NCK2: variants seen among roughly 807,000 people sequenced by gnomAD.
The protein encoded by NCK2 is NCK adaptor protein 2.
NCK2 carries 16 observed loss-of-function variants against 33.9 expected under a neutral mutation model. The observed-to-expected ratio is 0.47, with a 90% CI of 0.32 to 0.72. The LOEUF (loss-of-function observed/expected upper bound fraction) is 0.72, where lower values mean the gene tolerates loss of function less well. NCK2 is among the 30% of genes least tolerant of loss of function. NCK2 has a pLI of 0.03. For missense variants in NCK2, 418 were observed against 537.3 expected (o/e 0.78, Z 2.19); for synonymous variants, 273 against 239.9 (o/e 1.14, Z -1.27).
chr2:105,816,346 CAAAT>C (rs1558851223), intron 1 of NCK2, 80 bp from the exon 2 acceptor site: 1 of 152,084 alleles, frequency 6.6e-6, no homozygotes, highest in Non-Finnish European at 1.5e-5. Flanking sequence ...TAGTTTTAGG[CAAAT>C]AAATAACCAG....
At chr2:105,841,568 G>T (rs188041214) in intron 2 of NCK2, among the ~76,000 whole-genome samples, 19 of 152,266 alleles carry the variant, frequency 1.2e-4, no homozygotes, top group African/African-American at 3.4e-4. Flanking sequence ...GGCATGACTG[G>T]TTAAACCCTT....
intron 2 of NCK2, among the ~76,000 whole-genome samples, chr2:105,852,091 G>GC (rs1677090431): frequency 6.6e-6 from 1 of 152,048 alleles, no homozygotes; most frequent in Non-Finnish European, 1.5e-5. Flanking sequence ...TGCAGACCAC[G>GC]CATCGGACGG....
At chr2:105,888,339 T>A (rs1678802801) in intron 4 of NCK2, among the ~76,000 whole-genome samples, 2 of 152,126 alleles carry the variant, frequency 1.3e-5, no homozygotes, top group Admixed American at 1.3e-4. Flanking sequence ...TGTTTGAAAA[T>A]TTGAAGAATT....
At chr2:105,803,120 G>T (rs1674903017) in intron 1 of NCK2, among the ~76,000 whole-genome samples, 2 of 151,976 alleles carry the variant, frequency 1.3e-5, no homozygotes, top group Admixed American at 1.3e-4. Flanking sequence ...GGTCAGTCTT[G>T]GGAAAGCAAG....
intron 1 of NCK2, among the ~76,000 whole-genome samples, chr2:105,803,482 A>G (rs73949312): frequency 0.011 from 1,679 of 152,318 alleles, 31 homozygotes; most frequent in African/African-American, 0.038. Context: ...CGTGTGACTG[A>G]TTTCATTCTA....
chr2:105,801,359 C>T (rs921472774), intron 1 of NCK2, among the ~76,000 whole-genome samples: 1 of 152,104 alleles, frequency 6.6e-6, no homozygotes, highest in Non-Finnish European at 1.5e-5. Context: ...CTCGGCTTGC[C>T]TCCCCCCTTC....
intron 1 of NCK2, among the ~76,000 whole-genome samples, chr2:105,769,153 C>T (rs1573570109): frequency 6.6e-6 from 1 of 152,160 alleles, no homozygotes; most frequent in Admixed American, 6.5e-5. Flanking sequence ...TCACTAAGGG[C>T]ACTCTTGTTG....
chr2:105,836,442 G>A (rs886539690), intron 2 of NCK2, among the ~76,000 whole-genome samples: 19 of 152,142 alleles, frequency 1.2e-4, no homozygotes, highest in African/African-American at 3.9e-4. Flanking sequence ...TTTTGGAGGC[G>A]TGGTGTGGCT....
chr2:105,746,811 G>A (rs140242023), intron 1 of NCK2, among the ~76,000 whole-genome samples: 1 of 152,210 alleles, frequency 6.6e-6, no homozygotes, highest in African/African-American at 2.4e-5. Context: ...TTTGATTGGA[G>A]AAGGTGGCGG....
chr2:105,854,265 A>C (rs1286241227), intron 2 of NCK2, among the ~76,000 whole-genome samples: 2 of 152,188 alleles, frequency 1.3e-5, no homozygotes, highest in Non-Finnish European at 2.9e-5. Flanking sequence ...TGTCCTACTA[A>C]AGGACATTTT....
In NCK2 at chr2:105,893,842, CT is replaced by C. The variant is rs1679098845; in HGVS notation, c.*667del. The C allele has an allele frequency of 6.6e-6, 1 of 152,606 alleles. No homozygotes were observed. Among genetic ancestry groups the C allele is most frequent in the Non-Finnish European group, 1.5e-5 (1 of 68,024 alleles). 9.5% of individuals were successfully genotyped at this position (152,606 alleles called of 1,614,324 possible). The stretch of plus-strand genomic sequence containing the variant: ...TGTGCCATCCACATAGTGCTTTTTC[CT>C]CTTGCCCTTCGGCTTGTTTGAATCT... On this transcript the variant is annotated 3_prime_UTR_variant, in exon 5 of 5. Transcript: ENST00000233154.
intron 1 of NCK2, among the ~76,000 whole-genome samples, chr2:105,754,248 A>G (rs1689539154): frequency 6.6e-6 from 1 of 152,222 alleles, no homozygotes; most frequent in African/African-American, 2.4e-5. Context: ...GTGGCAAAGA[A>G]TTGTTTACTT....
intron 2 of NCK2, among the ~76,000 whole-genome samples, chr2:105,839,648 A>G (rs186480867): frequency 6.6e-6 from 1 of 152,306 alleles, no homozygotes; most frequent in African/African-American, 2.4e-5. Flanking sequence ...TTTAGACGTG[A>G]GATTTGAAGT....
At chr2:105,887,748 TGA>T (rs1678776096) in intron 4 of NCK2, among the ~76,000 whole-genome samples, 1 of 152,126 alleles carries the variant, frequency 6.6e-6, no homozygotes, top group Non-Finnish European at 1.5e-5. Context: ...GATTAAATCT[TGA>T]GAGAGGGAGA....
chr2:105,874,037 A>G (rs1458336720), intron 3 of NCK2, among the ~76,000 whole-genome samples: 3 of 152,188 alleles, frequency 2.0e-5, no homozygotes, highest in South Asian at 4.1e-4. Flanking sequence ...ACAGAGAGGA[A>G]TTTTGTTTGA....
At chr2:105,857,529 C>CA (rs772725407) in intron 3 of NCK2, among the ~76,000 whole-genome samples, 18 of 152,366 alleles carry the variant, frequency 1.2e-4, no homozygotes, top group Admixed American at 7.8e-4. Context: ...CTGAGTAGGT[C>CA]AGATCCTCTT....
intron 1 of NCK2, among the ~76,000 whole-genome samples, chr2:105,784,748 A>G (rs1690616045): frequency 6.6e-6 from 1 of 152,148 alleles, no homozygotes; most frequent in South Asian, 2.1e-4. Context: ...GTTGAGGTCC[A>G]TCCGTTCCTC....
chr2:105,837,088 C>T (rs1676462907), intron 2 of NCK2, among the ~76,000 whole-genome samples: 1 of 152,154 alleles, frequency 6.6e-6, no homozygotes, highest in Admixed American at 6.5e-5. Flanking sequence ...CTTTTCTTTC[C>T]TCTGTGCTGC....
At position 105,782,780 on chromosome 2, in the gene NCK2, T is replaced by C. The variant is rs1266508917; in HGVS notation, c.-200-33650T>C. Among the ~76,000 whole-genome samples the C allele has an allele frequency of 3.3e-5, 5 of 152,188 alleles. No individual in the cohort carries two copies. In the East Asian group the frequency reaches 9.6e-4, roughly 29 times the overall value. ...GGGGAGAAGAGGAGGTTGCAAAGGCTGTTAGGCTTGTGCTCAGCTCTGGCA... is the reference window on the plus strand; with the variant it reads ...GGGGAGAAGAGGAGGTTGCAAAGGCCGTTAGGCTTGTGCTCAGCTCTGGCA... On this transcript the variant is annotated intron_variant, in intron 1 of 4. Coordinates refer to ENST00000233154, the MANE Select transcript of NCK2 (RefSeq NM_003581.5).
Sources: allele counts gnomAD v4.1 joint callset (sites outside exome capture counted in the v4.1 genomes callset), GRCh38; gene constraint gnomAD v4.1.1; transcripts MANE v1.5; gene names NCBI Gene and HGNC (gene_info 2026-07-23, HGNC 2026-07-21).